Variants in AMD1 observed in about 807,000 individuals in gnomAD.
The protein encoded by AMD1 is S-adenosylmethionine decarboxylase proenzyme.
In AMD1, 11 loss-of-function variants were observed where a neutral mutation model predicts 40.2. That is an observed-to-expected ratio of 0.27 (90% CI 0.17 to 0.45). AMD1 has a LOEUF of 0.45. AMD1 is among the 20% of genes least tolerant of loss of function. The pLI is 1.00. For missense variants in AMD1, 257 were observed against 410.2 expected, an observed-to-expected ratio of 0.63 and a Z score of 3.23; for synonymous variants, 121 against 130.8, an observed-to-expected ratio of 0.93 and a Z score of 0.51.
chr6:110,884,504 G>T (rs9384760), intron 1 of AMD1, among the ~76,000 whole-genome samples: 5,397 of 152,210 alleles, frequency 0.035, 349 homozygotes, highest in East Asian at 0.32. Flanking sequence ...TGTGATCATG[G>T]TTCACTGCAC....
chr6:110,867,857 ATATT>A, the AMD1 span, among the ~76,000 whole-genome samples: 1 of 152,202 alleles, frequency 6.6e-6, no homozygotes, highest in African/African-American at 2.4e-5. Context: ...TGTTTACTGA[ATATT>A]TAATTACTGA....
Position 110,890,270 on chromosome 6 carries a change from G to A in AMD1, c.341G>A (p.Arg114His), listed in dbSNP as rs772906873. The A allele has an allele frequency of 5.8e-6, 9 of 1,557,154 alleles. No homozygotes were observed. The highest frequency in any genetic ancestry group is 2.8e-5 in the African/African-American group (2 of 70,948). Residue 114 changes from arginine to histidine, a missense_variant, in exon 4 of 9, where the codon CGT becomes CAT. Coordinates refer to ENST00000368885, the MANE Select transcript of AMD1 (RefSeq NM_001634.6). ...FDSIQSFFYS[R>H]KNFMKPSHQG... ...TTAATAAAGAGCTTCTTTTATTCTC[G>A]TAAGAATTTCATGAAGCCTTCTCAC...
the AMD1 span, among the ~76,000 whole-genome samples, chr6:110,838,912 G>C: frequency 6.6e-6 from 1 of 152,218 alleles, no homozygotes; most frequent in South Asian, 2.1e-4. Context: ...GGGATTATAG[G>C]CGCTTGCCAC....
chr6:110,846,800 G>A, the AMD1 span, among the ~76,000 whole-genome samples: 14 of 152,108 alleles, frequency 9.2e-5, 1 homozygote, highest in East Asian at 2.5e-3. Flanking sequence ...AACTCAGTAG[G>A]CAGAGGTCAC....
At chr6:110,814,881 G>A in the AMD1 span, 1 of 1,277,812 alleles carries the variant, frequency 7.8e-7, no homozygotes, top group Non-Finnish European at 1.1e-6. Context: ...GTGTCCGGAC[G>A]CAACCCCGCG....
chr6:110,844,654 G>A, the AMD1 span, among the ~76,000 whole-genome samples: 2 of 151,900 alleles, frequency 1.3e-5, no homozygotes, highest in South Asian at 2.1e-4. Flanking sequence ...GGTGGCAGGC[G>A]CCTGTAATCC....
intron 1 of AMD1, among the ~76,000 whole-genome samples, chr6:110,885,556 G>T (rs183900647): frequency 4.6e-5 from 7 of 152,264 alleles, no homozygotes; most frequent in African/African-American, 1.4e-4. Context: ...TCAGCCTCCC[G>T]AGTAGCTGGG....
chr6:110,843,719 C>G, the AMD1 span, among the ~76,000 whole-genome samples: 3 of 151,982 alleles, frequency 2.0e-5, no homozygotes, highest in Non-Finnish European at 4.4e-5. Flanking sequence ...TCCTGAGTAG[C>G]AGACTACAGG....
At chr6:110,866,646 AG>A in the AMD1 span, among the ~76,000 whole-genome samples, 26 of 152,078 alleles carry the variant, frequency 1.7e-4, no homozygotes, top group Admixed American at 4.6e-4. Flanking sequence ...CCTTCCAGGG[AG>A]GAGAAAAAAA....
chr6:110,890,580 G>A (rs114660537), intron 4 of AMD1, among the ~76,000 whole-genome samples: 3,593 of 152,158 alleles, frequency 0.024, 123 homozygotes, highest in African/African-American at 0.084. Context: ...CAACATCCCA[G>A]GCTTAAGTGA....
At chr6:110,815,271 G>A in the AMD1 span, 3 of 1,033,884 alleles carry the variant, frequency 2.9e-6, no homozygotes, top group Non-Finnish European at 3.8e-6. Context: ...CCCGCCGCCC[G>A]CCGCTCCGCG....
the AMD1 span, among the ~76,000 whole-genome samples, chr6:110,854,070 G>T: frequency 0.022 from 3,342 of 152,254 alleles, 101 homozygotes; most frequent in African/African-American, 0.077. Context: ...AATTTTCAAA[G>T]CCTGTAGATG....
chr6:110,857,770 G>GTATA, the AMD1 span, among the ~76,000 whole-genome samples: 129 of 142,138 alleles, frequency 9.1e-4, no homozygotes, highest in African/African-American at 3.1e-3. Flanking sequence ...TAGATGGTGT[G>GTATA]TATATATATA....
the AMD1 span, among the ~76,000 whole-genome samples, chr6:110,861,385 G>A: frequency 1.5e-4 from 23 of 150,580 alleles, no homozygotes; most frequent in African/African-American, 5.6e-4. Context: ...TTAGCCAGAT[G>A]TAGTGGCGTG....
upstream of AMD1, among the ~76,000 whole-genome samples, chr6:110,871,310 C>T (rs1784915219): frequency 1.3e-5 from 2 of 152,190 alleles, no homozygotes; most frequent in Non-Finnish European, 2.9e-5. Flanking sequence ...ACTCTAGCTG[C>T]TCTGTGTTAA....
chr6:110,890,061 T>C lies in AMD1; in HGVS notation c.325-193T>C. The C allele has an allele frequency of 7.9e-6, 4 of 506,150 alleles. No homozygotes were observed. The Middle Eastern group carries it at 1.6e-3, about 203-fold the overall frequency. 31.4% of individuals were successfully genotyped at this position (506,150 alleles called of 1,614,324 possible). A position where few individuals can be genotyped will look rare whatever the true frequency, so the allele number is the denominator to read the frequency against. On this transcript the variant is annotated intron_variant, in intron 3 of 8. Coordinates refer to ENST00000368885, the MANE Select transcript of AMD1 (RefSeq NM_001634.6). ...CCTCAGTATGTTGCCCAGGCTGGACTCCTGGGCCAAGTGATCCTCCTGCCT... is the reference window on the plus strand; with the variant it reads ...CCTCAGTATGTTGCCCAGGCTGGACCCCTGGGCCAAGTGATCCTCCTGCCT...
the AMD1 span, among the ~76,000 whole-genome samples, chr6:110,847,715 G>GT: frequency 0.037 from 5,233 of 141,742 alleles, 165 homozygotes; most frequent in Middle Eastern, 0.077. Flanking sequence ...TTTGTTTTTT[G>GT]TTTTTTGTTT....
chr6:110,868,445 G>A, the AMD1 span, among the ~76,000 whole-genome samples: 11 of 151,946 alleles, frequency 7.2e-5, no homozygotes, highest in South Asian at 2.1e-4. Flanking sequence ...CACCGGGCCC[G>A]GACGTCTTTT....
At chr6:110,857,308 G>A in the AMD1 span, among the ~76,000 whole-genome samples, 21 of 152,094 alleles carry the variant, frequency 1.4e-4, no homozygotes, top group Admixed American at 9.2e-4. Flanking sequence ...CCAAGGGGGC[G>A]GATCACCTGA....
Sources: gnomAD v4.1 joint callset for allele counts (sites outside exome capture counted in the v4.1 genomes callset) on GRCh38, gnomAD v4.1.1 for gene constraint, MANE v1.5 for transcripts, NCBI Gene and HGNC (gene_info 2026-07-23, HGNC 2026-07-21) for gene names.